Variants in SHROOM3 observed in about 807,000 individuals in gnomAD.
SHROOM3 encodes the protein protein Shroom3.
Under a neutral mutation model 138.6 loss-of-function variants are expected in SHROOM3, and 47 were observed. The observed-to-expected ratio is 0.34, with a 90% CI of 0.27 to 0.43. The LOEUF (loss-of-function observed/expected upper bound fraction) is 0.43, where lower values mean the gene tolerates loss of function less well. SHROOM3 is among the 20% of genes least tolerant of loss of function. The pLI is 1.00. For synonymous variants in SHROOM3, 1,062 were observed against 1,063.3 expected (o/e 1.00, Z 0.02); for missense variants, 2,491 against 2,596.5 (o/e 0.96, Z 0.88).
intron 2 of SHROOM3, among the ~76,000 whole-genome samples, chr4:76,701,201 T>G (rs2110112786): frequency 6.6e-6 from 1 of 152,296 alleles, no homozygotes; most frequent in South Asian, 2.1e-4. Context: ...TCATCATTTC[T>G]CTAGATCTAG....
intron 1 of SHROOM3, among the ~76,000 whole-genome samples, chr4:76,473,764 A>G (rs965918398): frequency 1.3e-5 from 2 of 152,202 alleles, no homozygotes; most frequent in African/African-American, 4.8e-5. Context: ...AATACAATGA[A>G]GTATCACTTT....
At chr4:76,590,378 G>A (rs779529544) in intron 2 of SHROOM3, among the ~76,000 whole-genome samples, 1 of 152,142 alleles carries the variant, frequency 6.6e-6, no homozygotes, top group African/African-American at 2.4e-5. Context: ...TGCCTCCGAA[G>A]GTATTTCAGG....
chr4:76,521,496 C>G (rs957452093), intron 1 of SHROOM3, among the ~76,000 whole-genome samples: 5 of 152,184 alleles, frequency 3.3e-5, no homozygotes, highest in Admixed American at 2.0e-4. Context: ...TTCAATTGTT[C>G]TATACAGTCA....
intron 1 of SHROOM3, among the ~76,000 whole-genome samples, chr4:76,452,319 C>T (rs1371946208): frequency 1.3e-5 from 2 of 152,172 alleles, no homozygotes; most frequent in Non-Finnish European, 2.9e-5. Context: ...TCACCACCAT[C>T]CACCTCCAGA....
intron 1 of SHROOM3, among the ~76,000 whole-genome samples, chr4:76,463,685 C>T (rs1463730275): frequency 1.3e-5 from 2 of 152,208 alleles, no homozygotes; most frequent in African/African-American, 4.8e-5. Flanking sequence ...TCCAAAGCCC[C>T]ACTGCTCTTT....
At chr4:76,628,278 T>C (rs113204050) in intron 2 of SHROOM3, among the ~76,000 whole-genome samples, 4 of 152,354 alleles carry the variant, frequency 2.6e-5, no homozygotes, top group African/African-American at 9.6e-5. Flanking sequence ...AATTAATTTA[T>C]ATAGATCACT....
At chr4:76,711,283 G>A (rs1290093472) in intron 3 of SHROOM3, among the ~76,000 whole-genome samples, 3 of 152,124 alleles carry the variant, frequency 2.0e-5, no homozygotes, top group Non-Finnish European at 2.9e-5. Flanking sequence ...TAACTGATCC[G>A]CCTCCTAGGG....
rs1560589541 is a variant in SHROOM3 at position 76,681,596 on chromosome 4, T to TGG, written c.324-28559_324-28558insGG. ...TAAGAAGCTTAGGCAGAGTCTAGGGTGTGTGTGTGTGTGTGTGTGTGTGTG... is the reference window on the plus strand; with the variant it reads ...TAAGAAGCTTAGGCAGAGTCTAGGGTGGGTGTGTGTGTGTGTGTGTGTGTGTG... On this transcript the variant is annotated intron_variant, in intron 2 of 10. Transcript: ENST00000296043. Among the ~76,000 whole-genome samples the TGG allele has an allele frequency of 1.3e-4, 13 of 99,928 alleles. No individual in the cohort carries two copies. In the East Asian group the frequency reaches 2.7e-3, roughly 21 times the overall value. The allele number at this position is 99,928 out of a possible 152,430, so 65.6% of individuals were successfully genotyped here. A position where few individuals can be genotyped will look rare whatever the true frequency, so the allele number is the denominator to read the frequency against.
intron 5 of SHROOM3, 163 bp downstream of exon 5, chr4:76,742,089 T>C: frequency 1.1e-6 from 1 of 910,956 alleles, no homozygotes; most frequent in Non-Finnish European, 1.7e-6. Flanking sequence ...TTCTCAAGTG[T>C]CCCTTACCTG....
At position 76,487,529 on chromosome 4, in the gene SHROOM3, T is replaced by TA. The variant is rs200381712; in HGVS notation, c.168+51309_168+51310insA. 5.9e-3 allele frequency among the ~76,000 whole-genome samples: 902 copies of TA among 151,934 alleles called. 11 individuals carry two copies. Among genetic ancestry groups the TA allele is most frequent in the African/African-American group, 0.021 (867 of 41,220 alleles). On this transcript the variant is annotated intron_variant, in intron 1 of 10. Coordinates refer to ENST00000296043, the MANE Select transcript of SHROOM3 (RefSeq NM_020859.4). ...AATCTCTACATTATTTGCTTTTATA[T>TA]TTAAAGTCATCTTATTAATGGTATA... is the stretch of plus-strand genomic sequence containing the variant.
At chr4:76,666,151 A>C (rs922207232) in intron 2 of SHROOM3, among the ~76,000 whole-genome samples, 2 of 152,232 alleles carry the variant, frequency 1.3e-5, no homozygotes, top group African/African-American at 4.8e-5. Flanking sequence ...CCTTTAAAAA[A>C]GAGTAATTTT....
intron 9 of SHROOM3, among the ~76,000 whole-genome samples, chr4:76,762,202 T>A (rs964903487): frequency 6.6e-6 from 1 of 152,222 alleles, no homozygotes; most frequent in African/African-American, 2.4e-5. Context: ...CACATAATAG[T>A]TGTGGGGTCA....
chr4:76,564,016 G>T (rs1425674285), intron 2 of SHROOM3, among the ~76,000 whole-genome samples: 1 of 152,188 alleles, frequency 6.6e-6, no homozygotes, highest in Non-Finnish European at 1.5e-5. Context: ...ACCACTCTAT[G>T]GTTCTGTGTT....
chr4:76,532,743 C>T (rs1732859090), intron 1 of SHROOM3, among the ~76,000 whole-genome samples: 4 of 152,122 alleles, frequency 2.6e-5, no homozygotes, highest in Non-Finnish European at 1.5e-5. Flanking sequence ...GCAACCTCAG[C>T]GTACATTTTT....
chr4:76,500,349 C>A (rs1245792686), intron 1 of SHROOM3, among the ~76,000 whole-genome samples: 3 of 152,168 alleles, frequency 2.0e-5, no homozygotes, highest in Non-Finnish European at 4.4e-5. Context: ...GCCAGCCGCT[C>A]TTGCAGCTAC....
chr4:76,561,780 C>A (rs955415237), intron 2 of SHROOM3, among the ~76,000 whole-genome samples: 1 of 151,194 alleles, frequency 6.6e-6, no homozygotes, highest in African/African-American at 2.4e-5. Context: ...AAGGCAAAGG[C>A]AGGCAGGTCA....
At chr4:76,546,423 T>C (rs1303171169) in intron 1 of SHROOM3, among the ~76,000 whole-genome samples, 4 of 152,266 alleles carry the variant, frequency 2.6e-5, no homozygotes, top group Admixed American at 2.6e-4. Flanking sequence ...GTTTCTGTTT[T>C]AAAGTCCAGC....
intron 1 of SHROOM3, among the ~76,000 whole-genome samples, chr4:76,467,706 G>A (rs930461815): frequency 1.3e-5 from 2 of 152,186 alleles, no homozygotes; most frequent in Admixed American, 6.5e-5. Context: ...TGAGGAAAAG[G>A]AGGAAGCATG....
chr4:76,504,587 G>C (rs1369093653), intron 1 of SHROOM3, among the ~76,000 whole-genome samples: 1 of 152,134 alleles, frequency 6.6e-6, no homozygotes, highest in Non-Finnish European at 1.5e-5. Context: ...ATATGATTAA[G>C]CTTTTTGAAC....
Sources: allele counts gnomAD v4.1 joint callset (sites outside exome capture counted in the v4.1 genomes callset), GRCh38; gene constraint gnomAD v4.1.1; transcripts MANE v1.5; gene names NCBI Gene and HGNC (gene_info 2026-07-23, HGNC 2026-07-21).